SLC24A2: variants seen among roughly 807,000 people sequenced by gnomAD.
SLC24A2 encodes sodium/potassium/calcium exchanger 2.
In SLC24A2, 36 loss-of-function variants were observed where a neutral mutation model predicts 62.0. The ratio of observed to expected loss-of-function variants is 0.58; its 90% CI spans 0.44 to 0.77. The LOEUF (loss-of-function observed/expected upper bound fraction) is 0.77, where lower values mean the gene tolerates loss of function less well. Among genes scored for constraint, SLC24A2 ranks in the 30% least tolerant of loss-of-function variants. SLC24A2 has a pLI of 0.00. For synonymous variants in SLC24A2, 358 were observed against 294.0 expected, an observed-to-expected ratio of 1.22 and a Z score of -2.23; for missense variants, 846 against 817.9, an observed-to-expected ratio of 1.03 and a Z score of -0.42.
the SLC24A2 span, among the ~76,000 whole-genome samples, chr9:20,087,613 A>G: frequency 2.0e-5 from 3 of 152,162 alleles, no homozygotes; most frequent in Non-Finnish European, 2.9e-5. Context: ...ATTAACATCT[A>G]TTATTTGGAT....
At chr9:19,924,044 G>A in the SLC24A2 span, among the ~76,000 whole-genome samples, 1 of 152,178 alleles carries the variant, frequency 6.6e-6, no homozygotes, top group Non-Finnish European at 1.5e-5. Flanking sequence ...AAAGGGAAGT[G>A]GGTAGCAAGG....
At chr9:19,877,077 C>G in the SLC24A2 span, among the ~76,000 whole-genome samples, 1 of 151,848 alleles carries the variant, frequency 6.6e-6, no homozygotes, top group Non-Finnish European at 1.5e-5. Context: ...TTAGGGGACT[C>G]ATGTCTGTGC....
At chr9:19,873,584 T>A in the SLC24A2 span, among the ~76,000 whole-genome samples, 1 of 147,570 alleles carries the variant, frequency 6.8e-6, no homozygotes, top group Non-Finnish European at 1.5e-5. Flanking sequence ...TTTCCTTTCC[T>A]TCCCTTTCCT....
At chr9:20,152,144 C>A in the SLC24A2 span, among the ~76,000 whole-genome samples, 36 of 151,988 alleles carry the variant, frequency 2.4e-4, no homozygotes, top group African/African-American at 7.0e-4. Context: ...CAAAAATACA[C>A]CAGCCTAGTG....
intron 2 of SLC24A2, among the ~76,000 whole-genome samples, chr9:19,768,418 GTTTCT>G (rs1438795125): frequency 6.6e-6 from 1 of 152,096 alleles, no homozygotes; most frequent in Non-Finnish European, 1.5e-5. Flanking sequence ...TTGGTCACCA[GTTTCT>G]TTTCTTTGAT....
At chr9:20,276,529 G>C in the SLC24A2 span, among the ~76,000 whole-genome samples, 1 of 152,192 alleles carries the variant, frequency 6.6e-6, no homozygotes, top group East Asian at 1.9e-4. Flanking sequence ...CAGGTACATG[G>C]TGAAAGCTGT....
chr9:19,761,779 G>C (rs1587285024), intron 2 of SLC24A2, among the ~76,000 whole-genome samples: 1 of 152,126 alleles, frequency 6.6e-6, no homozygotes, highest in African/African-American at 2.4e-5. Flanking sequence ...ATGGTTTCCA[G>C]CTTCATCCAC....
the SLC24A2 span, among the ~76,000 whole-genome samples, chr9:20,262,325 G>A: frequency 1.3e-5 from 2 of 152,166 alleles, no homozygotes; most frequent in African/African-American, 4.8e-5. Flanking sequence ...ATTCCCAGCA[G>A]CCGAAGTTTC....
chr9:20,305,433 A>G, the SLC24A2 span, among the ~76,000 whole-genome samples: 8 of 152,218 alleles, frequency 5.3e-5, no homozygotes, highest in East Asian at 7.7e-4. Context: ...GTTACCAAGG[A>G]GTCAGTGTAG....
the SLC24A2 span, among the ~76,000 whole-genome samples, chr9:20,238,419 G>A: frequency 6.6e-6 from 1 of 152,178 alleles, no homozygotes; most frequent in East Asian, 1.9e-4. Flanking sequence ...GGAACTCTGA[G>A]TAGCTTGTTC....
At chr9:19,681,719 G>A (rs765786737) in intron 2 of SLC24A2, among the ~76,000 whole-genome samples, 2 of 152,148 alleles carry the variant, frequency 1.3e-5, no homozygotes, top group Non-Finnish European at 2.9e-5. Flanking sequence ...AAATAAAGCA[G>A]TGGGCAATAA....
chr9:19,770,195 C>A (rs1214513561), intron 2 of SLC24A2, among the ~76,000 whole-genome samples: 1 of 151,826 alleles, frequency 6.6e-6, no homozygotes, highest in African/African-American at 2.4e-5. Context: ...TGCTGTATGA[C>A]TAAGTGCCTG....
chr9:19,922,145 T>C, the SLC24A2 span, among the ~76,000 whole-genome samples: 372 of 152,328 alleles, frequency 2.4e-3, 2 homozygotes, highest in African/African-American at 8.6e-3. Flanking sequence ...ATCCAGTCTT[T>C]TAGATTCTAA....
At chr9:19,808,921 GT>G in the SLC24A2 span, among the ~76,000 whole-genome samples, 1 of 152,070 alleles carries the variant, frequency 6.6e-6, no homozygotes, top group African/African-American at 2.4e-5. The surrounding 1 kb of genome is among the most constrained non-coding windows in gnomAD (Gnocchi z 4.1). Flanking sequence ...CATTTAAAAT[GT>G]TTTCTTACAG....
At chr9:19,991,951 T>C in the SLC24A2 span, among the ~76,000 whole-genome samples, 8 of 152,108 alleles carry the variant, frequency 5.3e-5, no homozygotes, top group African/African-American at 1.7e-4. Context: ...GGGGACTGGA[T>C]GGATGAGGGA....
At chr9:20,304,046 T>C in the SLC24A2 span, among the ~76,000 whole-genome samples, 1 of 152,210 alleles carries the variant, frequency 6.6e-6, no homozygotes, top group Non-Finnish European at 1.5e-5. Context: ...TATAAAACAG[T>C]TCCAAGTACT....
At chr9:19,802,103 G>A in the SLC24A2 span, among the ~76,000 whole-genome samples, 1 of 152,178 alleles carries the variant, frequency 6.6e-6, no homozygotes, top group Non-Finnish European at 1.5e-5. Flanking sequence ...TAGTTGAAGT[G>A]AAATATTGTA....
rs556820754 is a variant in SLC24A2, at chr9:19,608,096, TTTTA to T, written c.1079-10821_1079-10818del. Reference sequence around the variant, plus strand: ...AGTAGACCACGGCCAGTAGATTGGATTTTATTTTTCTCCAGTGAAGATTTTCACT... The same window carrying T: ...AGTAGACCACGGCCAGTAGATTGGATTTTTTCTCCAGTGAAGATTTTCACT... On this transcript the variant is annotated intron_variant, in intron 4 of 10. Transcript: ENST00000341998. Among the ~76,000 whole-genome samples, 92 of 152,328 alleles carry T rather than the reference TTTTA, an allele frequency of 6.0e-4. 1 individual carries two copies. The South Asian group carries it at 0.018, about 29-fold the overall frequency.
chr9:20,059,466 T>C, the SLC24A2 span, among the ~76,000 whole-genome samples: 304 of 152,148 alleles, frequency 2.0e-3, 1 homozygote, highest in African/African-American at 7.2e-3. Flanking sequence ...CCAACCATAA[T>C]GGAATAAAAC....
Sources: gnomAD v4.1 joint callset for allele counts (sites outside exome capture counted in the v4.1 genomes callset) on GRCh38, gnomAD v4.1.1 for gene constraint, Gnocchi (gnomAD v3.1) non-coding constraint, MANE v1.5 for transcripts, NCBI Gene and HGNC (gene_info 2026-07-23, HGNC 2026-07-21) for gene names.